The following RPS23 variants were observed in gnomAD, a reference collection of about 807,000 sequenced individuals.
RPS23 encodes the protein small ribosomal subunit protein uS12.
For missense variants in RPS23, 73 were observed against 174.5 expected, an observed-to-expected ratio of 0.42 and a Z score of 3.28; for synonymous variants, 66 against 60.4, an observed-to-expected ratio of 1.09 and a Z score of -0.43.
At position 82,275,880 on chromosome 5, in the gene RPS23, CTG is replaced by C. The variant is rs765362746; in HGVS notation, c.*227_*228del. ...TTCTTATTCCACAGGATGAGGGAAACTGTGCCAGGTTACAAATGTTATTAACT... is the reference window on the plus strand; with the variant it reads ...TTCTTATTCCACAGGATGAGGGAAACTGCCAGGTTACAAATGTTATTAACT... On this transcript the variant is annotated 3_prime_UTR_variant, in exon 4 of 4. Transcript: ENST00000296674. The C allele has an allele frequency of 4.5e-4, 224 of 501,868 alleles. 2 individuals carry two copies. The highest frequency in any genetic ancestry group is 1.7e-3 in the Admixed American group (44 of 26,540). 31.1% of individuals were successfully genotyped at this position (501,868 alleles called of 1,614,324 possible). A position where few individuals can be genotyped will look rare whatever the true frequency, so the allele number is the denominator to read the frequency against.
rs1297913024 is a variant in RPS23, at chr5:82,275,711, A to G, written c.*398T>C. The stretch of plus-strand genomic sequence containing the variant: ...TAATCTATGTGCAATGAAATTTGGT[A>G]ACTGAAGTGTTGCACCCGATATGGA... On this transcript the variant is annotated 3_prime_UTR_variant, in exon 4 of 4. Transcript: ENST00000296674. The G allele has an allele frequency of 4.0e-6, 1 of 247,482 alleles. No homozygotes were observed. The highest frequency in any genetic ancestry group is 7.7e-6 in the Non-Finnish European group (1 of 130,446). 15.3% of individuals were successfully genotyped at this position (247,482 alleles called of 1,614,324 possible).
Position 82,275,983 on chromosome 5 carries a change from A to T in RPS23, c.*126T>A, listed in dbSNP as rs1387051917. 8 of 851,258 alleles carry T rather than the reference A, an allele frequency of 9.4e-6. No homozygotes were observed. The highest frequency in any genetic ancestry group is 5.1e-5 in the East Asian group (2 of 38,858). 52.7% of individuals were successfully genotyped at this position (851,258 alleles called of 1,614,324 possible). On this transcript the variant is annotated 3_prime_UTR_variant, in exon 4 of 4. Transcript: ENST00000296674. Reference sequence around the variant, plus strand: ...GGTCCTGCGTTTGCTGGTTTAGGATAAAAAAAATAAGGGGGGGTGGTGGTG... The same window carrying T: ...GGTCCTGCGTTTGCTGGTTTAGGATTAAAAAAATAAGGGGGGGTGGTGGTG...
In RPS23 at chr5:82,273,646, C is replaced by G. The variant is rs1747708310; in HGVS notation, c.*2463G>C. On this transcript the variant is annotated 3_prime_UTR_variant, in exon 4 of 4. Transcript: ENST00000296674. ...GGCTGGTTTCAGGCCTGGTGCCGGG[C>G]TGCCTGTCTTTGATTTCACTTCCTT... 7.4e-6 allele frequency: 1 copy of G among 135,074 alleles called. No individual in the cohort carries two copies. Among genetic ancestry groups the G allele is most frequent in the Non-Finnish European group, 1.5e-5 (1 of 66,812 alleles). 8.4% of individuals were successfully genotyped at this position (135,074 alleles called of 1,614,324 possible). A position where few individuals can be genotyped will look rare whatever the true frequency, so the allele number is the denominator to read the frequency against.
chr5:82,278,224 T>C, intron 1 of RPS23, 96 bp downstream of exon 1: 4 of 680,640 alleles, frequency 5.9e-6, no homozygotes, highest in Admixed American at 4.8e-5. Context: ...AGCCTCTCCA[T>C]GGCATCCCCC....
Position 82,275,288 on chromosome 5 carries a change from T to G in RPS23, c.*821A>C. On this transcript the variant is annotated 3_prime_UTR_variant, in exon 4 of 4. Transcript: ENST00000296674. ...CATTTCAACCATGCCACTGTATCCA[T>G]GAAAACTCTGAAACAAGTATTTGTG... The G allele has an allele frequency of 1.4e-6, 1 of 702,656 alleles. No homozygotes were observed. The highest frequency in any genetic ancestry group is 2.6e-6 in the Non-Finnish European group (1 of 385,008). The allele number at this position is 702,656 out of a possible 1,614,324, so 43.5% of individuals were successfully genotyped here. A position where few individuals can be genotyped will look rare whatever the true frequency, so the allele number is the denominator to read the frequency against.
chr5:82,278,125 C>T, intron 1 of RPS23, 195 bp downstream of exon 1: 2 of 739,170 alleles, frequency 2.7e-6, no homozygotes, highest in Non-Finnish European at 4.4e-6. Context: ...CTCGGTACCC[C>T]GACCTCGGCG....
Position 82,275,787 on chromosome 5 carries a change from T to C in RPS23, c.*322A>G. 1 of 284,422 alleles carries C rather than the reference T, an allele frequency of 3.5e-6. No individual in the cohort carries two copies. Among genetic ancestry groups the C allele is most frequent in the Middle Eastern group, 1.1e-3 (1 of 936 alleles). 17.6% of individuals were successfully genotyped at this position (284,422 alleles called of 1,614,324 possible). A position where few individuals can be genotyped will look rare whatever the true frequency, so the allele number is the denominator to read the frequency against. On this transcript the variant is annotated 3_prime_UTR_variant, in exon 4 of 4. Coordinates refer to ENST00000296674, the MANE Select transcript of RPS23 (RefSeq NM_001025.5). ...ATCTCACTAGAATTTCAGTGAGTTT[T>C]TGAAGTTCCCTTAAAGTTCTTAAAG...
rs1581862959 is a variant in RPS23 at position 82,274,321 on chromosome 5, C to T, written c.*1788G>A. 1 of 152,894 alleles carries T rather than the reference C, an allele frequency of 6.5e-6. No homozygotes were observed. Among genetic ancestry groups the T allele is most frequent in the South Asian group, 2.1e-4 (1 of 4,822 alleles). The allele number at this position is 152,894 out of a possible 1,614,324, so 9.5% of individuals were successfully genotyped here. ...GGCCACACAGAGAAAGGAGAAGGCACTAAGATCAGGCTCAGCAGCTTCTGG... is the reference window on the plus strand; with the variant it reads ...GGCCACACAGAGAAAGGAGAAGGCATTAAGATCAGGCTCAGCAGCTTCTGG... On this transcript the variant is annotated 3_prime_UTR_variant, in exon 4 of 4. Coordinates refer to ENST00000296674, the MANE Select transcript of RPS23 (RefSeq NM_001025.5).
intron 2 of RPS23, chr5:82,277,348 C>T (rs979838203): frequency 3.0e-6 from 1 of 333,248 alleles, no homozygotes; most frequent in Middle Eastern, 1.0e-3. Context: ...CAAGTCACTT[C>T]TCTTCACCTT....
At chr5:82,276,893 G>C (rs1040894825) in intron 2 of RPS23, 1 of 196,766 alleles carries the variant, frequency 5.1e-6, no homozygotes, top group Non-Finnish European at 1.0e-5. Context: ...GTAAGAATTA[G>C]AAAGTCTGGG....
Position 82,275,504 on chromosome 5 carries a change from C to A in RPS23, c.*605G>T, listed in dbSNP as rs1035978949. The stretch of plus-strand genomic sequence containing the variant: ...TATCTCCCTTGCCTGGCATATACTT[C>A]CATCAACTAAATGATCCAATGCCTG... On this transcript the variant is annotated 3_prime_UTR_variant, in exon 4 of 4. Transcript: ENST00000296674. The A allele has an allele frequency of 3.4e-6, 2 of 593,804 alleles. No individual in the cohort carries two copies. Among genetic ancestry groups the A allele is most frequent in the African/African-American group, 3.7e-5 (2 of 53,800 alleles). 36.8% of individuals were successfully genotyped at this position (593,804 alleles called of 1,614,324 possible).
At chr5:82,277,937 T>A (rs1298486623) in intron 1 of RPS23, 85 bp from the exon 2 acceptor site, 1 of 1,238,634 alleles carries the variant, frequency 8.1e-7, no homozygotes, top group East Asian at 2.5e-5. Flanking sequence ...TCACCTGGAA[T>A]AAACCCTTAA....
At position 82,275,369 on chromosome 5, in the gene RPS23, A is replaced by G. The variant is rs1304806290; in HGVS notation, c.*740T>C. 4.3e-6 allele frequency: 3 copies of G among 701,086 alleles called. No homozygotes were observed. The highest frequency in any genetic ancestry group is 7.8e-6 in the Non-Finnish European group (3 of 384,254). The allele number at this position is 701,086 out of a possible 1,614,324, so 43.4% of individuals were successfully genotyped here. A position where few individuals can be genotyped will look rare whatever the true frequency, so the allele number is the denominator to read the frequency against. ...AGCTTAAATTATCAAAACACAACCA[A>G]TCTTGTCTCTACACTAAACCACTTC... On this transcript the variant is annotated 3_prime_UTR_variant, in exon 4 of 4. Transcript: ENST00000296674.
rs972310239 is a variant in RPS23, at chr5:82,274,365, T to G, written c.*1744A>C. 1 of 152,322 alleles carries G rather than the reference T, an allele frequency of 6.6e-6. No homozygotes were observed. The highest frequency in any genetic ancestry group is 6.5e-5 in the Admixed American group (1 of 15,286). 9.4% of individuals were successfully genotyped at this position (152,322 alleles called of 1,614,324 possible). A position where few individuals can be genotyped will look rare whatever the true frequency, so the allele number is the denominator to read the frequency against. On this transcript the variant is annotated 3_prime_UTR_variant, in exon 4 of 4. Transcript: ENST00000296674. ...CTTCTGGATCTGAGGCGCCGGAGAT[T>G]ATTTATGGGTCAATCTGGCAGCCCC...
Position 82,276,593 on chromosome 5 carries a change from A to C in RPS23, c.165-75T>G, listed in dbSNP as rs1479262553. 5.8e-6 allele frequency: 9 copies of C among 1,559,002 alleles called. No homozygotes were observed. The East Asian group carries it at 2.0e-4, about 35-fold the overall frequency. On this transcript the variant is annotated intron_variant, in intron 2 of 3. Transcript: ENST00000296674. ...ATCTTTTCATATTAACTAGAGAACT[A>C]ATGAGAAACTGTTTCTATCTTTTCA...
Position 82,274,907 on chromosome 5 carries a change from G to A in RPS23, c.*1202C>T, listed in dbSNP as rs1221618275. 1.5e-5 allele frequency: 5 copies of A among 332,990 alleles called. No individual in the cohort carries two copies. The highest frequency in any genetic ancestry group is 2.8e-5 in the Non-Finnish European group (5 of 179,216). The allele number at this position is 332,990 out of a possible 1,614,324, so 20.6% of individuals were successfully genotyped here. A position where few individuals can be genotyped will look rare whatever the true frequency, so the allele number is the denominator to read the frequency against. On this transcript the variant is annotated 3_prime_UTR_variant, in exon 4 of 4. Coordinates refer to ENST00000296674, the MANE Select transcript of RPS23 (RefSeq NM_001025.5). ...GGAAAACACACGAGCTCTTTAGTAA[G>A]AGCAGGCGACATGCAAGGAACCATA...
At position 82,276,046 on chromosome 5, in the gene RPS23, G is replaced by GT. The variant is rs1192995312; in HGVS notation, c.*62dup. On this transcript the variant is annotated 3_prime_UTR_variant, in exon 4 of 4. Transcript: ENST00000296674. The stretch of plus-strand genomic sequence containing the variant: ...ATCTTCGTGGTGAGAACAGGGGACA[G>GT]TAAGATACAAACATTTTTTGGCATA... 18 of 1,482,724 alleles carry GT rather than the reference G, an allele frequency of 1.2e-5. No homozygotes were observed. The highest frequency in any genetic ancestry group is 1.6e-5 in the Non-Finnish European group (17 of 1,081,746). 91.8% of individuals were successfully genotyped at this position (1,482,724 alleles called of 1,614,324 possible).
chr5:82,275,576 G>C lies in RPS23; in HGVS notation c.*533C>G. 1 of 449,184 alleles carries C rather than the reference G, an allele frequency of 2.2e-6. No homozygotes were observed. The highest frequency in any genetic ancestry group is 3.9e-6 in the Non-Finnish European group (1 of 253,574). The allele number at this position is 449,184 out of a possible 1,614,324, so 27.8% of individuals were successfully genotyped here. A position where few individuals can be genotyped will look rare whatever the true frequency, so the allele number is the denominator to read the frequency against. ...GTAGACACATTACAACACAGATCCT[G>C]ACACCTTTAAATAATAAACAGAGTG... On this transcript the variant is annotated 3_prime_UTR_variant, in exon 4 of 4. Coordinates refer to ENST00000296674, the MANE Select transcript of RPS23 (RefSeq NM_001025.5).
At chr5:82,276,681 A>T (rs1561389478) in intron 2 of RPS23, 163 bp from the exon 3 acceptor site, 1 of 811,172 alleles carries the variant, frequency 1.2e-6, no homozygotes, top group Admixed American at 2.9e-5. Context: ...GCCAGTCTTA[A>T]TTTCATTAGC....
Sources: gnomAD v4.1 joint callset for allele counts on GRCh38, gnomAD v4.1.1 for gene constraint, MANE v1.5 for transcripts, NCBI Gene and HGNC (gene_info 2026-07-23, HGNC 2026-07-21) for gene names.